Variants in CTDSPL observed in about 807,000 individuals in gnomAD.
The protein encoded by CTDSPL is CTD small phosphatase-like protein.
Under a neutral mutation model 30.5 loss-of-function variants are expected in CTDSPL, and 8 were observed. The ratio of observed to expected loss-of-function variants is 0.26; its 90% CI spans 0.15 to 0.47. CTDSPL has a LOEUF of 0.47. CTDSPL is among the 20% of genes least tolerant of loss of function. CTDSPL has a pLI of 0.99. For missense variants in CTDSPL, 248 were observed against 366.1 expected (o/e 0.68, Z 2.63); for synonymous variants, 110 against 137.9 (o/e 0.80, Z 1.42).
At chr3:37,871,835 G>A (rs995232716) in intron 1 of CTDSPL, among the ~76,000 whole-genome samples, 1 of 151,962 alleles carries the variant, frequency 6.6e-6, no homozygotes, top group Admixed American at 6.6e-5. Flanking sequence ...TTGTTCAGTT[G>A]GGTAATTTCT....
Position 37,867,156 on chromosome 3 carries a change from T to C in CTDSPL, c.79+4878T>C, listed in dbSNP as rs200957666. Among the ~76,000 whole-genome samples, 28 of 151,130 alleles carry C rather than the reference T, an allele frequency of 1.9e-4. 1 individual carries two copies. In the East Asian group the frequency reaches 5.6e-3, roughly 30 times the overall value. On this transcript the variant is annotated intron_variant, in intron 1 of 7. Coordinates refer to ENST00000273179, the MANE Select transcript of CTDSPL (RefSeq NM_001008392.2). ...ATCCCACTGGTGACCACTAATCCAC[T>C]CTACATTTCTAAAATTTTATCTTTT...
chr3:37,950,699 G>A lies in CTDSPL; in HGVS notation c.234+3488G>A, dbSNP rs142369697. On this transcript the variant is annotated intron_variant, in intron 2 of 7. Coordinates refer to ENST00000273179, the MANE Select transcript of CTDSPL (RefSeq NM_001008392.2). ...TTTTCTTGAGCTGAAAACAAAGCTTGAATCTGTGGATTGAAGGAGCTTACC... is the reference window on the plus strand; with the variant it reads ...TTTTCTTGAGCTGAAAACAAAGCTTAAATCTGTGGATTGAAGGAGCTTACC... Among the ~76,000 whole-genome samples the A allele has an allele frequency of 9.1e-3, 1,383 of 152,290 alleles. 18 individuals carry two copies. The highest frequency in any genetic ancestry group is 0.013 in the Non-Finnish European group (868 of 68,026).
At chr3:37,916,472 T>G (rs886471852) in intron 1 of CTDSPL, among the ~76,000 whole-genome samples, 3 of 152,172 alleles carry the variant, frequency 2.0e-5, no homozygotes, top group African/African-American at 7.2e-5. Flanking sequence ...AAGGTCGTAC[T>G]GGAGGAGGGT....
chr3:37,883,682 T>A (rs1698233103), intron 1 of CTDSPL, among the ~76,000 whole-genome samples: 1 of 152,258 alleles, frequency 6.6e-6, no homozygotes, highest in African/African-American at 2.4e-5. Flanking sequence ...CTTTAAATAC[T>A]TAGTAGAATA....
chr3:37,959,550 T>C (rs950362428), intron 3 of CTDSPL, among the ~76,000 whole-genome samples: 1 of 152,248 alleles, frequency 6.6e-6, no homozygotes, highest in African/African-American at 2.4e-5. Flanking sequence ...GCTTGTTACT[T>C]TCTAACAAGA....
chr3:37,898,155 G>A (rs886283665), intron 1 of CTDSPL, among the ~76,000 whole-genome samples: 1 of 152,070 alleles, frequency 6.6e-6, no homozygotes. Context: ...GAAGCACCAG[G>A]GTGTTTTACA....
chr3:37,939,390 C>T (rs923691361), intron 1 of CTDSPL, among the ~76,000 whole-genome samples: 5 of 150,364 alleles, frequency 3.3e-5, no homozygotes, highest in African/African-American at 1.2e-4. Context: ...ATTCCAAAGC[C>T]TGTGTTCTTT....
In CTDSPL at chr3:37,877,983, G is replaced by A. The variant is rs1001493524; in HGVS notation, c.79+15705G>A. On this transcript the variant is annotated intron_variant, in intron 1 of 7. Coordinates refer to ENST00000273179, the MANE Select transcript of CTDSPL (RefSeq NM_001008392.2). ...TGAGGATCACATTTCAACATGAAAT[G>A]TGGAGGGGACAGACATCCAAACTAT... Among the ~76,000 whole-genome samples, 7 of 152,242 alleles carry A rather than the reference G, an allele frequency of 4.6e-5. No homozygotes were observed. The East Asian group carries it at 1.2e-3, about 25-fold the overall frequency.
At chr3:37,889,245 T>C (rs954481861) in intron 1 of CTDSPL, among the ~76,000 whole-genome samples, 3 of 152,150 alleles carry the variant, frequency 2.0e-5, no homozygotes, top group Non-Finnish European at 2.9e-5. Context: ...AGGGAGGACG[T>C]TGACATAACA....
intron 1 of CTDSPL, among the ~76,000 whole-genome samples, chr3:37,891,876 G>T (rs981493884): frequency 6.6e-6 from 1 of 152,050 alleles, no homozygotes; most frequent in Admixed American, 6.5e-5. Flanking sequence ...ACATATATAT[G>T]TGTGTGTACA....
At chr3:37,928,668 A>G (rs1698814432) in intron 1 of CTDSPL, among the ~76,000 whole-genome samples, 1 of 152,004 alleles carries the variant, frequency 6.6e-6, no homozygotes, top group African/African-American at 2.4e-5. Flanking sequence ...AGGGTTCTTT[A>G]TATTTTTTTG....
At chr3:37,917,674 AG>A (rs1398275806) in intron 1 of CTDSPL, among the ~76,000 whole-genome samples, 2 of 152,194 alleles carry the variant, frequency 1.3e-5, no homozygotes, top group Admixed American at 1.3e-4. Flanking sequence ...GAACTTTCAG[AG>A]GGATATAAAG....
At chr3:37,952,673 C>A (rs9849052) in intron 2 of CTDSPL, among the ~76,000 whole-genome samples, 32,359 of 152,134 alleles carry the variant, frequency 0.21, 4,962 homozygotes, top group African/African-American at 0.44. Flanking sequence ...ATACAGTTGA[C>A]TTAGTCAAAC....
At chr3:37,884,939 A>C (rs980811100) in intron 1 of CTDSPL, among the ~76,000 whole-genome samples, 1 of 152,112 alleles carries the variant, frequency 6.6e-6, no homozygotes, top group African/African-American at 2.4e-5. Flanking sequence ...TGACAGCAGG[A>C]AAGGGATTTG....
chr3:37,968,112 A>G (rs1195346577), intron 5 of CTDSPL: 1 of 504,526 alleles, frequency 2.0e-6, no homozygotes, highest in Non-Finnish European at 3.5e-6. Flanking sequence ...TGCAAGTTCA[A>G]ATAGTTCTTT....
intron 1 of CTDSPL, among the ~76,000 whole-genome samples, chr3:37,930,388 A>G (rs1026811414): frequency 3.7e-4 from 57 of 152,116 alleles, no homozygotes; most frequent in African/African-American, 1.2e-3. Context: ...CAGCCTCCCA[A>G]CTAGCTGGGA....
intron 1 of CTDSPL, among the ~76,000 whole-genome samples, chr3:37,927,460 C>T (rs1698793156): frequency 6.6e-6 from 1 of 152,038 alleles, no homozygotes; most frequent in South Asian, 2.1e-4. Flanking sequence ...CACCAAAACA[C>T]TTCTGGTCCC....
chr3:37,916,159 T>G (rs1369041663), intron 1 of CTDSPL, among the ~76,000 whole-genome samples: 1 of 152,152 alleles, frequency 6.6e-6, no homozygotes, highest in Admixed American at 6.5e-5. Context: ...AGGAAGAGTG[T>G]CCCTAAATCC....
At chr3:37,877,212 A>G (rs762147635) in intron 1 of CTDSPL, among the ~76,000 whole-genome samples, 46 of 152,290 alleles carry the variant, frequency 3.0e-4, no homozygotes, top group Admixed American at 9.8e-4. Context: ...ATCCATCTCC[A>G]GAACTCTTTT....
Sources: allele counts gnomAD v4.1 joint callset (sites outside exome capture counted in the v4.1 genomes callset), GRCh38; gene constraint gnomAD v4.1.1; transcripts MANE v1.5; gene names NCBI Gene and HGNC (gene_info 2026-07-23, HGNC 2026-07-21).